TG: variants seen among roughly 807,000 people sequenced by gnomAD.
The protein encoded by TG is thyroid hormones.
Under a neutral mutation model 324.7 loss-of-function variants are expected in TG, and 270 were observed. That is an observed-to-expected ratio of 0.83 (90% confidence interval 0.75 to 0.92). TG has a LOEUF of 0.92. Ranked by LOEUF, TG falls within the 40% of genes least tolerant of loss-of-function variation. TG has a pLI of 0.00. For missense variants in TG, 3,591 were observed against 3,456.4 expected (o/e 1.04, Z -0.98); for synonymous variants, 1,401 against 1,327.0 (o/e 1.06, Z -1.21).
intron 40 of TG, among the ~76,000 whole-genome samples, chr8:133,026,591 A>T (rs1587798187): frequency 1.3e-5 from 2 of 152,216 alleles, no homozygotes; most frequent in South Asian, 2.1e-4. Flanking sequence ...ACACAGGAGG[A>T]TAGGCTGGAC....
chr8:133,095,405 C>A (rs1848259585), intron 42 of TG, among the ~76,000 whole-genome samples, 197 bp downstream of exon 42: 1 of 152,208 alleles, frequency 6.6e-6, no homozygotes, highest in South Asian at 2.1e-4. Context: ...AACATGGGCA[C>A]TGAGGGTAGA....
intron 27 of TG, among the ~76,000 whole-genome samples, chr8:132,957,766 C>CACACACACACACACAGACACACACAG: frequency 6.9e-6 from 1 of 145,492 alleles, no homozygotes; most frequent in South Asian, 2.2e-4. Flanking sequence ...CACACACACA[C>CACACACACACACACAGACACACACAG]ACACACACAC....
At chr8:132,987,732 G>GTA (rs1831748139) in intron 35 of TG, among the ~76,000 whole-genome samples, 1 of 151,062 alleles carries the variant, frequency 6.6e-6, no homozygotes. Context: ...GTGTGTGTGT[G>GTA]TGTGCGTGTG....
intron 35 of TG, among the ~76,000 whole-genome samples, chr8:132,996,100 G>A (rs535532893): frequency 1.4e-4 from 21 of 152,156 alleles, no homozygotes; most frequent in Admixed American, 1.1e-3. Context: ...TTGGCTCACC[G>A]GTCACAAGTT....
chr8:133,088,166 C>T (rs755008599), intron 41 of TG, among the ~76,000 whole-genome samples: 4 of 152,206 alleles, frequency 2.6e-5, no homozygotes, highest in Non-Finnish European at 5.9e-5. Context: ...TCTCCCTTGT[C>T]TCACAAGGCC....
chr8:133,110,020 G>A (rs900995517), intron 43 of TG, among the ~76,000 whole-genome samples: 7 of 152,158 alleles, frequency 4.6e-5, no homozygotes, highest in African/African-American at 7.2e-5. Context: ...GCCAGATAGC[G>A]GGTGCTGGGA....
chr8:133,027,523 G>T (rs1836213844), intron 40 of TG, among the ~76,000 whole-genome samples: 1 of 152,290 alleles, frequency 6.6e-6, no homozygotes, highest in Non-Finnish European at 1.5e-5. Flanking sequence ...CAGCAGAGGG[G>T]GCGGCCCCTG....
intron 27 of TG, among the ~76,000 whole-genome samples, chr8:132,953,129 G>GA (rs1174178645): frequency 6.6e-6 from 1 of 152,160 alleles, no homozygotes; most frequent in African/African-American, 2.4e-5. Context: ...CTACTTCAAG[G>GA]GTTTTACAGG....
At chr8:133,128,698 T>C (rs1331973592) in intron 45 of TG, among the ~76,000 whole-genome samples, 1 of 152,142 alleles carries the variant, frequency 6.6e-6, no homozygotes, top group African/African-American at 2.4e-5. Context: ...AAGGAGAAGA[T>C]TCAGATCTGG....
At chr8:133,051,005 T>A in intron 41 of TG, 2 of 730,306 alleles carry the variant, frequency 2.7e-6, no homozygotes, top group Non-Finnish European at 4.9e-6. Context: ...GGTATGAAGA[T>A]GAGATTTTCC....
chr8:132,955,186 G>T (rs1826665652), intron 27 of TG, among the ~76,000 whole-genome samples: 1 of 152,106 alleles, frequency 6.6e-6, no homozygotes, highest in Non-Finnish European at 1.5e-5. Flanking sequence ...GTGGCTGGAG[G>T]TCTTTCCCCC....
intron 43 of TG, among the ~76,000 whole-genome samples, chr8:133,099,132 C>T (rs1223329518): frequency 6.6e-6 from 1 of 152,238 alleles, no homozygotes; most frequent in Non-Finnish European, 1.5e-5. Flanking sequence ...GAGAAGCCAG[C>T]ATTGAAGTTG....
At chr8:133,106,712 G>A (rs2958676) in intron 43 of TG, among the ~76,000 whole-genome samples, 47,893 of 151,896 alleles carry the variant, frequency 0.32, 8,190 homozygotes, top group African/African-American at 0.44. Context: ...TCCCCTTTCC[G>A]GCTTCCTGTT....
rs1303871583 is a variant in TG, at chr8:132,868,207, G to C, written c.160G>C (p.Glu54Gln). Reference sequence around the variant, plus strand: ...AGCAGACTACGTGCCCCAGTGTGCAGAGGATGGCAGCTTCCAGTAAGGCTT... The same window carrying C: ...AGCAGACTACGTGCCCCAGTGTGCACAGGATGGCAGCTTCCAGTAAGGCTT... ...KQADYVPQCA[E>Q]DGSFQTVQCQ... Residue 54 changes from glutamate to glutamine, a missense_variant, in exon 2 of 48, where the codon GAG (glutamate) becomes CAG (glutamine). Glu to Gln is a conservative substitution (Grantham distance 29). Transcript: ENST00000220616. 5.0e-6 allele frequency: 8 copies of C among 1,614,022 alleles called. No homozygotes were observed. The highest frequency in any genetic ancestry group is 6.8e-6 in the Non-Finnish European group (8 of 1,180,042).
chr8:133,112,669 G>A (rs1325564882), intron 43 of TG, among the ~76,000 whole-genome samples: 15 of 152,166 alleles, frequency 9.9e-5, no homozygotes, highest in African/African-American at 1.7e-4. Flanking sequence ...AAAAAGTTGC[G>A]CCCATCTGGA....
chr8:133,134,587 G>A, intron 47 of TG, 89 bp from the exon 48 acceptor site: 1 of 1,203,070 alleles, frequency 8.3e-7, no homozygotes, highest in Non-Finnish European at 1.2e-6. Context: ...TCCACTGGAG[G>A]CTGGGGTCTC....
rs143112456 is a variant in TG at position 132,988,227 on chromosome 8, G to T, written c.6262+4815G>T. 6.3e-3 allele frequency among the ~76,000 whole-genome samples: 952 copies of T among 152,230 alleles called. 9 individuals are homozygous for T. The highest frequency in any genetic ancestry group is 0.022 in the African/African-American group (906 of 41,528). ...TTTCCCCCAGATTCACCATAGACAG[G>T]CAGGAAAAGCACCACAAATATATTA... On this transcript the variant is annotated intron_variant, in intron 35 of 47. Transcript: ENST00000220616.
intron 26 of TG, among the ~76,000 whole-genome samples, chr8:132,946,259 A>C (rs77027029): frequency 0.021 from 3,154 of 152,152 alleles, 45 homozygotes; most frequent in Middle Eastern, 0.058. Flanking sequence ...TCATATATGG[A>C]AGAATGTTTT....
intron 32 of TG, among the ~76,000 whole-genome samples, chr8:132,971,501 C>G (rs937842866): frequency 6.6e-6 from 1 of 152,132 alleles, no homozygotes; most frequent in Non-Finnish European, 1.5e-5. Flanking sequence ...CCTGGGTTAG[C>G]TTGGTTGGAG....
Sources: allele counts gnomAD v4.1 joint callset (sites outside exome capture counted in the v4.1 genomes callset), GRCh38; gene constraint gnomAD v4.1.1; transcripts MANE v1.5; gene names NCBI Gene and HGNC (gene_info 2026-07-23, HGNC 2026-07-21).